Variants in FAM193A observed in about 807,000 individuals in gnomAD.
FAM193A encodes the protein family with sequence similarity 193 member A.
FAM193A carries 22 observed loss-of-function variants against 126.5 expected under a neutral mutation model. The ratio of observed to expected loss-of-function variants is 0.17; its 90% CI spans 0.12 to 0.25. FAM193A has a LOEUF of 0.25. Ranked by LOEUF, FAM193A falls within the 10% of genes least tolerant of loss-of-function variation. The pLI is 1.00. For missense variants in FAM193A, 1,675 were observed against 1,672.8 expected (o/e 1.00, Z -0.02); for synonymous variants, 761 against 646.8 (o/e 1.18, Z -2.68).
chr4:2,552,202 G>A (rs967742345), intron 1 of FAM193A, among the ~76,000 whole-genome samples: 3 of 151,788 alleles, frequency 2.0e-5, no homozygotes, highest in Non-Finnish European at 2.9e-5. Flanking sequence ...TAGTAGAGAC[G>A]GGGTTTCATC....
chr4:2,549,675 C>T (rs1330527592), intron 1 of FAM193A, among the ~76,000 whole-genome samples: 1 of 151,706 alleles, frequency 6.6e-6, no homozygotes, highest in Non-Finnish European at 1.5e-5. Context: ...GGATTACAGG[C>T]GTGAGCCACC....
intron 1 of FAM193A, among the ~76,000 whole-genome samples, chr4:2,554,426 A>C (rs1022700079): frequency 6.6e-6 from 1 of 152,102 alleles, no homozygotes; most frequent in African/African-American, 2.4e-5. Context: ...GATTTTTACC[A>C]TTGTTAACAT....
intron 1 of FAM193A, among the ~76,000 whole-genome samples, chr4:2,580,790 T>C (rs1295064114): frequency 6.6e-6 from 1 of 152,260 alleles, no homozygotes; most frequent in African/African-American, 2.4e-5. Context: ...CATGCTTGTA[T>C]AGCCTACAGA....
chr4:2,597,858 C>G (rs945014662), intron 2 of FAM193A, among the ~76,000 whole-genome samples: 2 of 152,302 alleles, frequency 1.3e-5, no homozygotes, highest in East Asian at 1.9e-4. Flanking sequence ...CCTTGTTCCC[C>G]TTGGTAGTCA....
chr4:2,592,973 G>C (rs935058014), intron 1 of FAM193A, among the ~76,000 whole-genome samples: 8 of 152,092 alleles, frequency 5.3e-5, no homozygotes, highest in African/African-American at 1.9e-4. Context: ...TGGCAGCTTA[G>C]GAGGATATTG....
chr4:2,660,561 C>G (rs1365082116), intron 10 of FAM193A, among the ~76,000 whole-genome samples: 1 of 152,152 alleles, frequency 6.6e-6, no homozygotes, highest in Non-Finnish European at 1.5e-5. Flanking sequence ...GAGTTGTGAC[C>G]CTGTCATTTG....
intron 20 of FAM193A, among the ~76,000 whole-genome samples, chr4:2,722,191 T>A (rs1720242734): frequency 6.6e-6 from 1 of 152,182 alleles, no homozygotes; most frequent in Admixed American, 6.5e-5. Flanking sequence ...TTCTCCCTGC[T>A]GGTTATGTGG....
chr4:2,572,967 T>A (rs1739379235), intron 1 of FAM193A, among the ~76,000 whole-genome samples: 1 of 152,008 alleles, frequency 6.6e-6, no homozygotes, highest in African/African-American at 2.4e-5. Context: ...ACTTCAGAAA[T>A]GATTTCCTCT....
chr4:2,693,838 C>T lies in FAM193A; in HGVS notation c.3056C>T (p.Thr1019Ile). ...SFCPAPLPPA[T>I]DGSISAPPSV... is the part of the protein sequence containing the mutation. The stretch of plus-strand genomic sequence containing the variant: ...TGTCCTGCACCCCTACCCCCGGCCA[C>T]AGATGGCTCCATTAGCGCCCCTCCA... The change falls in exon 16 of 21, where the codon ACA becomes ATA. Residue 1019 changes from threonine (T) to isoleucine (I), a missense_variant. Thr to Ile is a moderately conservative substitution (Grantham distance 89). Coordinates refer to ENST00000637812, the MANE Select transcript of FAM193A (RefSeq NM_001366318.2). 1.9e-6 allele frequency: 3 copies of T among 1,614,216 alleles called. No individual in the cohort carries two copies. The highest frequency in any genetic ancestry group is 2.5e-6 in the Non-Finnish European group (3 of 1,180,020).
At chr4:2,644,856 A>G (rs1402355746) in intron 6 of FAM193A, among the ~76,000 whole-genome samples, 1 of 152,234 alleles carries the variant, frequency 6.6e-6, no homozygotes, top group Non-Finnish European at 1.5e-5. Context: ...GTCATTACAA[A>G]TAAAATTATG....
In FAM193A at chr4:2,713,058, T is replaced by C. The variant is rs1281272002; in HGVS notation, c.4373-2965T>C. On this transcript the variant is annotated intron_variant, in intron 19 of 20. Transcript: ENST00000637812. ...AGGTGGAGGTTGCAGCGAGCTGAGATTGTGCCACTGCACTCCAGCCTGGGC... is the reference window on the plus strand; with the variant it reads ...AGGTGGAGGTTGCAGCGAGCTGAGACTGTGCCACTGCACTCCAGCCTGGGC... 6.7e-5 allele frequency among the ~76,000 whole-genome samples: 10 copies of C among 149,514 alleles called. 1 individual carries two copies. Among genetic ancestry groups the C allele is most frequent in the African/African-American group, 7.4e-5 (3 of 40,338 alleles).
Position 2,609,107 on chromosome 4 carries a change from C to T in FAM193A, c.501+12778C>T, listed in dbSNP as rs991458331. Among the ~76,000 whole-genome samples the T allele has an allele frequency of 4.0e-5, 6 of 151,666 alleles. No individual in the cohort carries two copies. The East Asian group carries it at 7.8e-4, about 20-fold the overall frequency. On this transcript the variant is annotated intron_variant, in intron 2 of 20. Transcript: ENST00000637812. ...TGGGGTTTCATCGTGTTAGCCAGAA[C>T]GGTCCCAGTCTTGTGACCTTGTGAT...
intron 5 of FAM193A, among the ~76,000 whole-genome samples, chr4:2,632,772 G>A (rs955618831): frequency 1.6e-4 from 24 of 152,232 alleles, no homozygotes; most frequent in South Asian, 2.1e-4. Context: ...CTGGTACCTC[G>A]TCCTTCCTCT....
At chr4:2,553,309 A>G (rs908038260) in intron 1 of FAM193A, among the ~76,000 whole-genome samples, 9 of 151,510 alleles carry the variant, frequency 5.9e-5, no homozygotes, top group Admixed American at 1.3e-4. Flanking sequence ...CAGCCATTGC[A>G]CTCAAGCTAG....
chr4:2,601,445 G>A (rs1577060845), intron 2 of FAM193A, among the ~76,000 whole-genome samples: 2 of 151,864 alleles, frequency 1.3e-5, no homozygotes. Flanking sequence ...ATGTTGGCCA[G>A]GCTGTTCTCT....
intron 13 of FAM193A, among the ~76,000 whole-genome samples, chr4:2,677,395 G>A (rs1265818386): frequency 6.6e-6 from 1 of 151,752 alleles, no homozygotes; most frequent in Admixed American, 6.6e-5. Context: ...GGTTTGGTGG[G>A]TTTTTTTGTT....
At chr4:2,580,761 G>T (rs900419814) in intron 1 of FAM193A, among the ~76,000 whole-genome samples, 1 of 152,230 alleles carries the variant, frequency 6.6e-6, no homozygotes, top group African/African-American at 2.4e-5. Context: ...CTCACTAGAA[G>T]TGGAGCAGAT....
At chr4:2,544,384 A>T (rs1378547777) in intron 1 of FAM193A, among the ~76,000 whole-genome samples, 1 of 151,784 alleles carries the variant, frequency 6.6e-6, no homozygotes, top group African/African-American at 2.4e-5. Context: ...ATGTAGTGAG[A>T]CTCTGTCTCA....
chr4:2,702,712 C>T (rs1717871026), intron 19 of FAM193A, among the ~76,000 whole-genome samples: 1 of 152,244 alleles, frequency 6.6e-6, no homozygotes, highest in Admixed American at 6.5e-5. Flanking sequence ...GGTGCCTTTA[C>T]TGACTTGCTG....
Sources: allele counts gnomAD v4.1 joint callset (sites outside exome capture counted in the v4.1 genomes callset), GRCh38; gene constraint gnomAD v4.1.1; transcripts MANE v1.5; gene names NCBI Gene and HGNC (gene_info 2026-07-23, HGNC 2026-07-21).